The following BBS9 variants were observed in gnomAD, a reference collection of about 807,000 sequenced individuals.
BBS9 encodes Bardet-Biedl syndrome 9.
In BBS9, 89 loss-of-function variants were observed where a neutral mutation model predicts 117.7. That is an observed-to-expected ratio of 0.76 (90% CI 0.64 to 0.90). The LOEUF is 0.90. Ranked by LOEUF, BBS9 falls within the 40% of genes least tolerant of loss-of-function variation. The pLI is 0.00. For missense variants in BBS9, 982 were observed against 1,042.2 expected, an observed-to-expected ratio of 0.94 and a Z score of 0.80; for synonymous variants, 379 against 370.9, an observed-to-expected ratio of 1.02 and a Z score of -0.25.
chr7:33,470,126 G>A (rs1340406327), intron 19 of BBS9, among the ~76,000 whole-genome samples: 1 of 152,020 alleles, frequency 6.6e-6, no homozygotes, highest in Non-Finnish European at 1.5e-5. Flanking sequence ...CAATGCCTGG[G>A]GTCATGGCAG....
intron 5 of BBS9, among the ~76,000 whole-genome samples, chr7:33,189,076 G>A (rs560999510): frequency 7.2e-5 from 11 of 152,084 alleles, no homozygotes; most frequent in Admixed American, 2.0e-4. Flanking sequence ...GGCTGAGTGC[G>A]GTGGTACGAT....
chr7:33,238,762 T>C (rs1210036431), intron 5 of BBS9, among the ~76,000 whole-genome samples: 1 of 152,174 alleles, frequency 6.6e-6, no homozygotes, highest in African/African-American at 2.4e-5. Flanking sequence ...GCAGTAAAAG[T>C]GGATTCATAT....
chr7:33,437,710 C>T (rs1835510663), intron 19 of BBS9, among the ~76,000 whole-genome samples: 2 of 152,004 alleles, frequency 1.3e-5, no homozygotes, highest in African/African-American at 4.8e-5. Context: ...TCCGTCTCTA[C>T]TAAAAATAAA....
chr7:33,221,814 C>G (rs977616984), intron 5 of BBS9, among the ~76,000 whole-genome samples: 2 of 151,876 alleles, frequency 1.3e-5, no homozygotes, highest in African/African-American at 2.4e-5. Context: ...TTTGTGTTTA[C>G]ATTTTTAAAA....
chr7:33,172,501 C>A (rs1185201193), intron 4 of BBS9, among the ~76,000 whole-genome samples: 1 of 152,160 alleles, frequency 6.6e-6, no homozygotes, highest in Non-Finnish European at 1.5e-5. Flanking sequence ...GTCAATCAAG[C>A]AAATATCTTG....
At chr7:33,172,986 T>A (rs537674349) in intron 4 of BBS9, among the ~76,000 whole-genome samples, 2 of 152,322 alleles carry the variant, frequency 1.3e-5, no homozygotes, top group African/African-American at 4.8e-5. Flanking sequence ...ATTTCCTTAA[T>A]AGATGTAAAT....
chr7:33,544,371 G>A (rs1342375951), intron 21 of BBS9, among the ~76,000 whole-genome samples: 1 of 152,146 alleles, frequency 6.6e-6, no homozygotes, highest in Non-Finnish European at 1.5e-5. Context: ...AGATTCTTTT[G>A]TCCCATGGGG....
downstream of BBS9, chr7:33,606,156 C>G (rs903749346): frequency 6.6e-6 from 1 of 152,060 alleles, no homozygotes; most frequent in Admixed American, 6.5e-5. Context: ...GGATGTATTA[C>G]TTATTATTTG....
chr7:33,373,921 T>C (rs1232463018), intron 17 of BBS9, among the ~76,000 whole-genome samples: 2 of 152,220 alleles, frequency 1.3e-5, no homozygotes, highest in African/African-American at 4.8e-5. Context: ...TCTTGAACTG[T>C]GTTATACAAA....
At chr7:33,632,031 A>G (rs574699328) in intron 21 of BBS9, among the ~76,000 whole-genome samples, 1 of 152,324 alleles carries the variant, frequency 6.6e-6, no homozygotes, top group East Asian at 1.9e-4. Flanking sequence ...AGATTTGCCT[A>G]CAAATTAGGC....
chr7:33,299,444 G>A (rs370343058), intron 9 of BBS9, among the ~76,000 whole-genome samples: 2 of 151,724 alleles, frequency 1.3e-5, no homozygotes, highest in African/African-American at 4.8e-5. Flanking sequence ...GCTGAAATAA[G>A]ATTGAGCTAA....
chr7:33,267,178 G>A (rs1240617983), intron 7 of BBS9, among the ~76,000 whole-genome samples: 1 of 152,022 alleles, frequency 6.6e-6, no homozygotes, highest in East Asian at 1.9e-4. Flanking sequence ...TTATCCTTTT[G>A]TTTGATAATC....
chr7:33,293,537 G>A (rs1804528535), intron 9 of BBS9, among the ~76,000 whole-genome samples: 1 of 152,060 alleles, frequency 6.6e-6, no homozygotes, highest in African/African-American at 2.4e-5. Flanking sequence ...TGTTTCTGGA[G>A]GTCCCATGAT....
At chr7:33,205,862 T>C (rs1365362699) in intron 5 of BBS9, among the ~76,000 whole-genome samples, 3 of 152,202 alleles carry the variant, frequency 2.0e-5, no homozygotes, top group Non-Finnish European at 4.4e-5. Context: ...CTGTCTTGAT[T>C]TGACAGTTGG....
intron 19 of BBS9, among the ~76,000 whole-genome samples, chr7:33,410,915 T>G (rs1024231009): frequency 2.0e-5 from 3 of 151,848 alleles, no homozygotes; most frequent in Non-Finnish European, 2.9e-5. Flanking sequence ...AGTACTTTTA[T>G]TTTTTTGCTT....
intron 19 of BBS9, among the ~76,000 whole-genome samples, chr7:33,456,927 G>A (rs1341804253): frequency 6.6e-6 from 1 of 152,200 alleles, no homozygotes; most frequent in African/African-American, 2.4e-5. Context: ...AACATCTGTA[G>A]AACAAATGAG....
intron 5 of BBS9, among the ~76,000 whole-genome samples, chr7:33,189,299 A>G (rs1305296145): frequency 3.9e-5 from 6 of 152,166 alleles, no homozygotes; most frequent in African/African-American, 1.4e-4. Context: ...GATTATAGGC[A>G]TGAGCCATTG....
At chr7:33,129,316 C>A (rs962742632), upstream of BBS9, 7 of 547,388 alleles carry the variant, frequency 1.3e-5, no homozygotes, top group Non-Finnish European at 2.3e-5. Context: ...GGAGCCCAGG[C>A]AGGAGGAGGG....
intron 21 of BBS9, among the ~76,000 whole-genome samples, chr7:33,582,543 CACACAT>C (rs1389649200): frequency 1.3e-5 from 2 of 152,064 alleles, no homozygotes; most frequent in East Asian, 1.9e-4. Flanking sequence ...CACACACACA[CACACAT>C]ACACACACTG....
Sources: allele counts gnomAD v4.1 joint callset (sites outside exome capture counted in the v4.1 genomes callset), GRCh38; gene constraint gnomAD v4.1.1; transcripts MANE v1.5; gene names NCBI Gene and HGNC (gene_info 2026-07-23, HGNC 2026-07-21).